LGALSL: variants seen among roughly 807,000 people sequenced by gnomAD.
LGALSL encodes the protein galectin-related protein.
LGALSL carries 13 observed loss-of-function variants against 19.5 expected under a neutral mutation model. That is an observed-to-expected ratio of 0.67 (90% confidence interval 0.43 to 1.06). LGALSL has a LOEUF of 1.06. Among genes scored for constraint, LGALSL ranks in the 50% least tolerant of loss-of-function variants. The pLI is 0.00. For synonymous variants in LGALSL, 86 were observed against 78.3 expected, an observed-to-expected ratio of 1.10 and a Z score of -0.52; for missense variants, 189 against 219.3, an observed-to-expected ratio of 0.86 and a Z score of 0.87.
intron 4 of LGALSL, 76 bp from the exon 5 acceptor site, chr2:64,458,209 T>A: frequency 7.3e-7 from 1 of 1,365,912 alleles, no homozygotes; most frequent in Non-Finnish European, 1.0e-6. Flanking sequence ...TGCCTTTCTT[T>A]CTCTAAAATG....
At position 64,454,642 on chromosome 2, in the gene LGALSL, C is replaced by T. The variant is rs1404183930; in HGVS notation, c.36+61C>T. On this transcript the variant is annotated intron_variant, in intron 1 of 4. Transcript: ENST00000238875. The surrounding 1 kb of genome is among the most constrained non-coding windows in gnomAD (Gnocchi z 5.1). Reference sequence around the variant, plus strand: ...CCGCCGTCCCGCACTCCGCCGCCGCCTGCTCCAGCAGTGCTGGGGTGCTGA... The same window carrying T: ...CCGCCGTCCCGCACTCCGCCGCCGCTTGCTCCAGCAGTGCTGGGGTGCTGA... 2.4e-6 allele frequency: 3 copies of T among 1,227,444 alleles called. No individual in the cohort carries two copies. Among genetic ancestry groups the T allele is most frequent in the Non-Finnish European group, 3.1e-6 (3 of 960,966 alleles). 76.0% of individuals were successfully genotyped at this position (1,227,444 alleles called of 1,614,324 possible).
chr2:64,458,821 C>T lies in LGALSL; in HGVS notation c.*393C>T, dbSNP rs897040606. The T allele has an allele frequency of 6.2e-6, 1 of 160,704 alleles. No individual in the cohort carries two copies. The highest frequency in any genetic ancestry group is 2.4e-5 in the African/African-American group (1 of 41,788). 10.0% of individuals were successfully genotyped at this position (160,704 alleles called of 1,614,324 possible). A position where few individuals can be genotyped will look rare whatever the true frequency, so the allele number is the denominator to read the frequency against. Reference sequence around the variant, plus strand: ...ACTAAAGTGGAATTGTGTAGCACAACCAATATTTTAGTCAGGGTATTTACA... The same window carrying T: ...ACTAAAGTGGAATTGTGTAGCACAATCAATATTTTAGTCAGGGTATTTACA... On this transcript the variant is annotated 3_prime_UTR_variant, in exon 5 of 5. Transcript: ENST00000238875.
At position 64,461,180 on chromosome 2, in the gene LGALSL, G is replaced by A. The variant is rs1686819847; in HGVS notation, c.*2752G>A. On this transcript the variant is annotated 3_prime_UTR_variant, in exon 5 of 5. Transcript: ENST00000238875. Reference sequence around the variant, plus strand: ...GTGTTAAAAAGAAAATACCCAAAAGGAAGGAGGGAGCCCTGTTTGCCTTGA... The same window carrying A: ...GTGTTAAAAAGAAAATACCCAAAAGAAAGGAGGGAGCCCTGTTTGCCTTGA... The A allele has an allele frequency of 6.6e-6, 1 of 152,160 alleles. No individual in the cohort carries two copies. The highest frequency in any genetic ancestry group is 2.1e-4 in the South Asian group (1 of 4,836). 9.4% of individuals were successfully genotyped at this position (152,160 alleles called of 1,614,324 possible). A position where few individuals can be genotyped will look rare whatever the true frequency, so the allele number is the denominator to read the frequency against.
At chr2:64,457,914 G>A (rs376158467) in intron 4 of LGALSL, among the ~76,000 whole-genome samples, 1 of 152,176 alleles carries the variant, frequency 6.6e-6, no homozygotes, top group African/African-American at 2.4e-5. Context: ...CAAAACTGAA[G>A]TGAAATAGGC....
At position 64,456,476 on chromosome 2, in the gene LGALSL, C is replaced by G; in HGVS notation, c.375+11C>G. The G allele has an allele frequency of 1.3e-6, 2 of 1,540,000 alleles. No homozygotes were observed. The highest frequency in any genetic ancestry group is 8.8e-7 in the Non-Finnish European group (1 of 1,142,154). On this transcript the variant is annotated intron_variant, in intron 4 of 4. Coordinates refer to ENST00000238875, the MANE Select transcript of LGALSL (RefSeq NM_014181.3). Reference sequence around the variant, plus strand: ...GACCAGCCATTCAGGGTGAGTACCTCGAGTGCCTCGGCTCCAGCCACTGGC... The same window carrying G: ...GACCAGCCATTCAGGGTGAGTACCTGGAGTGCCTCGGCTCCAGCCACTGGC...
At chr2:64,457,635 C>A (rs113756095) in intron 4 of LGALSL, among the ~76,000 whole-genome samples, 1,552 of 152,320 alleles carry the variant, frequency 0.01, 10 homozygotes, top group Non-Finnish European at 0.017. Flanking sequence ...AGAAGTAATT[C>A]TTTCACTTCT....
Position 64,455,339 on chromosome 2 carries a change from T to C in LGALSL, c.37-5T>C, listed in dbSNP as rs1256605520. 1.2e-6 allele frequency: 2 copies of C among 1,609,888 alleles called. No homozygotes were observed. Among genetic ancestry groups the C allele is most frequent in the Admixed American group, 1.7e-5 (1 of 60,016 alleles). Reference sequence around the variant, plus strand: ...GAAAGCCAATCTGTGTACTTCTATTTTTAGAAACTAGATGATGGCCATTTA... The same window carrying C: ...GAAAGCCAATCTGTGTACTTCTATTCTTAGAAACTAGATGATGGCCATTTA... On this transcript the variant is annotated splice_polypyrimidine_tract_variant and splice_region_variant and intron_variant, in intron 1 of 4. Transcript: ENST00000238875.
chr2:64,456,597 A>C, intron 4 of LGALSL, 132 bp downstream of exon 4: 1 of 678,342 alleles, frequency 1.5e-6, no homozygotes, highest in Non-Finnish European at 2.4e-6. Context: ...CAATGGTGAA[A>C]AAAAAAGATC....
rs551815058 is a variant in LGALSL, at chr2:64,460,571, C to G, written c.*2143C>G. ...TACCTATCAGCTAACTCATTAGCAG[C>G]CAAGCCCTTAGGCAGCTTAGTGTGA... On this transcript the variant is annotated 3_prime_UTR_variant, in exon 5 of 5. Transcript: ENST00000238875. The G allele has an allele frequency of 6.6e-6, 1 of 152,298 alleles. No homozygotes were observed. The highest frequency in any genetic ancestry group is 1.9e-4 in the East Asian group (1 of 5,192). 9.4% of individuals were successfully genotyped at this position (152,298 alleles called of 1,614,324 possible).
rs1686723707 is a variant in LGALSL at position 64,455,664 on chromosome 2, C to T, written c.184C>T (p.Leu62Phe). The change falls in exon 3 of 5, where the codon CTC (leucine) becomes TTC (phenylalanine). Residue 62 changes from leucine to phenylalanine, a missense_variant. Transcript: ENST00000238875. The part of the protein sequence containing the change: ...KKVLVMGIVD[L>F]NPESFAISLT... ...GGTGTTAGTGATGGGCATCGTAGACCTCAACCCAGAGAGGTAAGGCAGAGT... is the reference window on the plus strand; with the variant it reads ...GGTGTTAGTGATGGGCATCGTAGACTTCAACCCAGAGAGGTAAGGCAGAGT... 1 of 1,612,742 alleles carries T rather than the reference C, an allele frequency of 6.2e-7. No individual in the cohort carries two copies. The highest frequency in any genetic ancestry group is 1.3e-5 in the African/African-American group (1 of 74,892).
At position 64,455,575 on chromosome 2, in the gene LGALSL, C is replaced by T. The variant is rs377473170; in HGVS notation, c.109-14C>T. ...AGGCTGTAAAATTCATTTTTCTTCT[C>T]CCACCCTTTTCAGATAGTTCCATTT... On this transcript the variant is annotated splice_polypyrimidine_tract_variant and intron_variant, in intron 2 of 4. Coordinates refer to ENST00000238875, the MANE Select transcript of LGALSL (RefSeq NM_014181.3). 6.2e-7 allele frequency: 1 copy of T among 1,610,696 alleles called. No individual in the cohort carries two copies. The highest frequency in any genetic ancestry group is 1.3e-5 in the African/African-American group (1 of 74,950).
intron 4 of LGALSL, 70 bp from the exon 5 acceptor site, chr2:64,458,215 A>T (rs1345123139): frequency 7.0e-7 from 1 of 1,422,824 alleles, no homozygotes; most frequent in Non-Finnish European, 9.8e-7. Context: ...TCTTTCTCTA[A>T]AATGAAGTAT....
chr2:64,456,117 T>TAAC (rs1172634133), intron 3 of LGALSL, among the ~76,000 whole-genome samples, 171 bp from the exon 4 acceptor site: 1 of 152,160 alleles, frequency 6.6e-6, no homozygotes, highest in East Asian at 1.9e-4. Context: ...TTGCTTTAGG[T>TAAC]AACAAAATAA....
At chr2:64,458,102 A>T (rs993143029) in intron 4 of LGALSL, among the ~76,000 whole-genome samples, 183 bp from the exon 5 acceptor site, 3 of 152,234 alleles carry the variant, frequency 2.0e-5, no homozygotes, top group Non-Finnish European at 4.4e-5. Flanking sequence ...TCTACACAGG[A>T]ATCAGAAATT....
chr2:64,454,490 C>G lies in LGALSL; in HGVS notation c.-56C>G. On this transcript the variant is annotated 5_prime_UTR_variant, in exon 1 of 5. Coordinates refer to ENST00000238875, the MANE Select transcript of LGALSL (RefSeq NM_014181.3). The surrounding 1 kb of genome is among the most constrained non-coding windows in gnomAD (Gnocchi z 5.1). ...CGCCCCCGCCCCGCGCAGGACAGCC[C>G]CGGGATCCCCGCCCGCGCGCCGCGT... 4.8e-6 allele frequency: 6 copies of G among 1,245,580 alleles called. No individual in the cohort carries two copies. Among genetic ancestry groups the G allele is most frequent in the Non-Finnish European group, 6.2e-6 (6 of 968,358 alleles). 77.2% of individuals were successfully genotyped at this position (1,245,580 alleles called of 1,614,324 possible).
rs1239522767 is a variant in LGALSL at position 64,461,254 on chromosome 2, TATG to T, written c.*2831_*2833del. The stretch of plus-strand genomic sequence containing the variant: ...GGCATTAATGTAGAAATAATGTTCC[TATG>T]ATGACATATTTTCAAAGAAACACTT... On this transcript the variant is annotated 3_prime_UTR_variant, in exon 5 of 5. Transcript: ENST00000238875. The T allele has an allele frequency of 1.3e-5, 2 of 152,234 alleles. No individual in the cohort carries two copies. Among genetic ancestry groups the T allele is most frequent in the Admixed American group, 6.5e-5 (1 of 15,284 alleles). 9.4% of individuals were successfully genotyped at this position (152,234 alleles called of 1,614,324 possible).
intron 3 of LGALSL, 57 bp from the exon 4 acceptor site, chr2:64,456,231 T>C (rs769692312): frequency 6.7e-7 from 1 of 1,485,088 alleles, no homozygotes; most frequent in South Asian, 1.2e-5. Flanking sequence ...AGCACTTGGG[T>C]CATTTTGAAA....
rs1686716135 is a variant in LGALSL at position 64,455,289 on chromosome 2, C to T, written c.37-55C>T. On this transcript the variant is annotated intron_variant, in intron 1 of 4. Coordinates refer to ENST00000238875, the MANE Select transcript of LGALSL (RefSeq NM_014181.3). ...CACCACATCTGTGTGGGTTCTTCCT[C>T]CAGCCCCCCAAAAAAGAGCCCATGG... 4 of 1,198,256 alleles carry T rather than the reference C, an allele frequency of 3.3e-6. No individual in the cohort carries two copies. The Admixed American group carries it at 6.7e-5, about 20-fold the overall frequency. The allele number at this position is 1,198,256 out of a possible 1,614,324, so 74.2% of individuals were successfully genotyped here. A position where few individuals can be genotyped will look rare whatever the true frequency, so the allele number is the denominator to read the frequency against.
Position 64,458,627 on chromosome 2 carries a change from A to G in LGALSL, c.*199A>G. ...GCCATTATACCCAGAATAAAATAAT[A>G]CATTTATGCTGGATTTTATTCAGAC... On this transcript the variant is annotated 3_prime_UTR_variant, in exon 5 of 5. Coordinates refer to ENST00000238875, the MANE Select transcript of LGALSL (RefSeq NM_014181.3). 2.2e-6 allele frequency: 1 copy of G among 449,458 alleles called. No individual in the cohort carries two copies. Among genetic ancestry groups the G allele is most frequent in the East Asian group, 3.4e-5 (1 of 29,260 alleles). The allele number at this position is 449,458 out of a possible 1,614,324, so 27.8% of individuals were successfully genotyped here.
Sources: gnomAD v4.1 joint callset for allele counts (sites outside exome capture counted in the v4.1 genomes callset) on GRCh38, gnomAD v4.1.1 for gene constraint, Gnocchi (gnomAD v3.1) non-coding constraint, MANE v1.5 for transcripts, NCBI Gene and HGNC (gene_info 2026-07-23, HGNC 2026-07-21) for gene names.